The following ZFR variants were observed in gnomAD, a reference collection of about 807,000 sequenced individuals.
ZFR encodes the protein zinc finger RNA-binding protein.
In ZFR, 19 loss-of-function variants were observed where a neutral mutation model predicts 130.7. That is an observed-to-expected ratio of 0.15 (90% CI 0.10 to 0.21). The LOEUF (loss-of-function observed/expected upper bound fraction) is 0.21, where lower values mean the gene tolerates loss of function less well. ZFR is among the 10% of genes least tolerant of loss of function. The pLI, the probability that ZFR is intolerant of heterozygous loss-of-function variation, is 1.00. For synonymous variants in ZFR, 466 were observed against 456.9 expected (o/e 1.02, Z -0.25); for missense variants, 872 against 1,321.5 (o/e 0.66, Z 5.27).
chr5:32,373,492 T>C (rs1048641737), intron 17 of ZFR, among the ~76,000 whole-genome samples: 2 of 152,174 alleles, frequency 1.3e-5, no homozygotes, highest in African/African-American at 4.8e-5. Context: ...CCAAAACTCT[T>C]GTGTTCGTCT....
intron 10 of ZFR, among the ~76,000 whole-genome samples, chr5:32,396,819 G>A (rs1581696122): frequency 6.6e-6 from 1 of 151,914 alleles, no homozygotes; most frequent in Non-Finnish European, 1.5e-5. Flanking sequence ...GAATTCCTAC[G>A]CTAAGATAAG....
intron 19 of ZFR, among the ~76,000 whole-genome samples, chr5:32,359,287 AT>A (rs1322141370): frequency 1.3e-5 from 2 of 150,738 alleles, no homozygotes; most frequent in East Asian, 1.9e-4. Context: ...TTCTTAAAAC[AT>A]TATGAGATTT....
intron 8 of ZFR, 28 bp downstream of exon 8, chr5:32,403,078 A>G (rs1264021031): frequency 1.2e-6 from 2 of 1,600,962 alleles, no homozygotes; most frequent in Admixed American, 3.4e-5. Flanking sequence ...TGACAGAGTC[A>G]GCAGGGACAG....
At chr5:32,364,515 G>C (rs554641158) in intron 17 of ZFR, 1 of 216,626 alleles carries the variant, frequency 4.6e-6, no homozygotes, top group African/African-American at 2.3e-5. Context: ...CTGAGTTCAG[G>C]GGTTAAAGAC....
intron 2 of ZFR, among the ~76,000 whole-genome samples, chr5:32,421,903 A>T (rs148200315): frequency 1.3e-5 from 2 of 152,148 alleles, no homozygotes; most frequent in Admixed American, 6.5e-5. Flanking sequence ...GAACAACTCC[A>T]TATCTGTAAG....
At chr5:32,362,241 G>GGTAT (rs1340427928) in intron 19 of ZFR, among the ~76,000 whole-genome samples, 1 of 152,036 alleles carries the variant, frequency 6.6e-6, no homozygotes, top group Non-Finnish European at 1.5e-5. Flanking sequence ...GTTTATTAAA[G>GGTAT]GTATGTTAAA....
intron 1 of ZFR, 38 bp downstream of exon 1, chr5:32,444,584 G>A (rs1754563935): frequency 6.1e-6 from 9 of 1,466,994 alleles, no homozygotes; most frequent in Non-Finnish European, 8.1e-6. Flanking sequence ...GCCAGGGAGG[G>A]GGCCGGGCAG....
rs188943471 is a variant in ZFR, at chr5:32,408,263, A to C, written c.785-1242T>G. Among the ~76,000 whole-genome samples, 178 of 151,722 alleles carry C rather than the reference A, an allele frequency of 1.2e-3. 3 individuals are homozygous for C. Among genetic ancestry groups the C allele is most frequent in the East Asian group, 0.011 (59 of 5,178 alleles). On this transcript the variant is annotated intron_variant, in intron 5 of 19. Transcript: ENST00000265069. Reference sequence around the variant, plus strand: ...ATACTTACCTTATAGATCTGTTCTAAAAACTACACTGTGTCTGGCATACTG... The same window carrying C: ...ATACTTACCTTATAGATCTGTTCTACAAACTACACTGTGTCTGGCATACTG...
intron 4 of ZFR, among the ~76,000 whole-genome samples, chr5:32,415,516 G>GCA (rs869174785): frequency 1.3e-5 from 1 of 77,200 alleles, no homozygotes. Flanking sequence ...GTGTGTGTGT[G>GCA]CGCGCGCGCG....
chr5:32,402,962 C>G (rs967585937), intron 8 of ZFR, 144 bp downstream of exon 8: 15 of 735,894 alleles, frequency 2.0e-5, no homozygotes, highest in Non-Finnish European at 2.9e-5. Flanking sequence ...AATACACACA[C>G]ACTAGGCAGA....
chr5:32,425,318 CTT>C (rs2111836565), intron 2 of ZFR, among the ~76,000 whole-genome samples: 1 of 152,280 alleles, frequency 6.6e-6, no homozygotes, highest in South Asian at 2.1e-4. Flanking sequence ...AGGTTGTTCT[CTT>C]TTTAATTACA....
intron 15 of ZFR, among the ~76,000 whole-genome samples, chr5:32,385,011 A>C (rs1753013976): frequency 6.6e-6 from 1 of 152,132 alleles, no homozygotes; most frequent in African/African-American, 2.4e-5. Context: ...TATTTACCAC[A>C]GGACAAGCCA....
chr5:32,433,901 C>CA (rs1429176572), intron 2 of ZFR, among the ~76,000 whole-genome samples: 5 of 152,146 alleles, frequency 3.3e-5, no homozygotes, highest in Non-Finnish European at 2.9e-5. Flanking sequence ...GGCAACATGG[C>CA]AAAAACCCCA....
At chr5:32,383,740 G>A (rs541574545) in intron 15 of ZFR, 10 of 456,646 alleles carry the variant, frequency 2.2e-5, no homozygotes, top group South Asian at 1.2e-4. Flanking sequence ...ACTGGGAGCT[G>A]CAGTGAGAGA....
At chr5:32,385,438 T>C (rs772305465) in intron 15 of ZFR, 70 bp downstream of exon 15, 4 of 1,559,688 alleles carry the variant, frequency 2.6e-6, no homozygotes, top group Non-Finnish European at 1.7e-6. Flanking sequence ...TAGGGCTTAA[T>C]GCCATCTTAA....
At chr5:32,384,569 T>G (rs1236759037) in intron 15 of ZFR, among the ~76,000 whole-genome samples, 1 of 152,212 alleles carries the variant, frequency 6.6e-6, no homozygotes. Context: ...ATATTAAGTA[T>G]GTAGTACCCT....
At chr5:32,361,673 C>T (rs1353353110) in intron 19 of ZFR, among the ~76,000 whole-genome samples, 2 of 144,742 alleles carry the variant, frequency 1.4e-5, no homozygotes, top group Non-Finnish European at 3.0e-5. Context: ...GGCTAGAGTG[C>T]AATGGTGCGA....
chr5:32,379,033 T>C, intron 17 of ZFR, 82 bp downstream of exon 17: 1 of 1,035,300 alleles, frequency 9.7e-7, no homozygotes, highest in East Asian at 2.4e-5. Flanking sequence ...ATAAGGCTGA[T>C]AATTACATGT....
intron 19 of ZFR, among the ~76,000 whole-genome samples, chr5:32,361,652 T>C (rs886133316): frequency 6.8e-6 from 1 of 146,908 alleles, no homozygotes; most frequent in Non-Finnish European, 1.5e-5. Flanking sequence ...GGAGTCTCAC[T>C]CTGTTGCCCA....
Sources: gnomAD v4.1 joint callset for allele counts (sites outside exome capture counted in the v4.1 genomes callset) on GRCh38, gnomAD v4.1.1 for gene constraint, MANE v1.5 for transcripts, NCBI Gene and HGNC (gene_info 2026-07-23, HGNC 2026-07-21) for gene names.